The following DCDC1 variants were observed in gnomAD, a reference collection of about 807,000 sequenced individuals.
DCDC1 encodes the protein doublecortin domain-containing protein 1.
DCDC1 carries 200 observed loss-of-function variants against 178.3 expected under a neutral mutation model. That is an observed-to-expected ratio of 1.12 (90% CI 1.00 to 1.26). The LOEUF is 1.26. DCDC1 is among the 50% of genes most tolerant of loss of function. The pLI is 0.00. For synonymous variants in DCDC1, 690 were observed against 604.8 expected (o/e 1.14, Z -2.07); for missense variants, 1,983 against 1,749.2 (o/e 1.13, Z -2.38).
chr11:31,085,644 G>T (rs560806971), intron 17 of DCDC1, among the ~76,000 whole-genome samples: 3 of 152,116 alleles, frequency 2.0e-5, no homozygotes, highest in East Asian at 1.9e-4. Flanking sequence ...ATGGACATTT[G>T]AGTTATTTCT....
intron 9 of DCDC1, among the ~76,000 whole-genome samples, chr11:31,153,342 C>T (rs186965907): frequency 8.7e-4 from 132 of 152,316 alleles, no homozygotes; most frequent in Non-Finnish European, 1.7e-3. Context: ...AATGCCCCTA[C>T]ATCCTGAAAT....
rs191914926 is a variant in DCDC1, at chr11:31,271,745, C to T, written c.961-6145G>A. Among the ~76,000 whole-genome samples the T allele has an allele frequency of 5.5e-3, 835 of 152,308 alleles. 3 individuals carry two copies. Among genetic ancestry groups the T allele is most frequent in the Admixed American group, 8.8e-3 (134 of 15,302 alleles). ...AAAAGAAAGAGGTTTAGTGGACTTA[C>T]CATCCCACATGGCTGGAGAGGCCTC... On this transcript the variant is annotated intron_variant, in intron 7 of 38. Coordinates refer to ENST00000684477, the MANE Select transcript of DCDC1 (RefSeq NM_001387274.1).
At chr11:31,315,085 T>C (rs1227977386) in intron 3 of DCDC1, among the ~76,000 whole-genome samples, 1 of 152,114 alleles carries the variant, frequency 6.6e-6, no homozygotes, top group Non-Finnish European at 1.5e-5. Flanking sequence ...AGGAGATGAC[T>C]ACAGATTTGA....
intron 35 of DCDC1, among the ~76,000 whole-genome samples, chr11:30,893,540 C>T (rs1229136017): frequency 6.6e-6 from 1 of 152,122 alleles, no homozygotes; most frequent in Non-Finnish European, 1.5e-5. Context: ...GCATTCATTC[C>T]CTGGTCAGTG....
chr11:31,170,603 T>A (rs2136218447), intron 9 of DCDC1, among the ~76,000 whole-genome samples: 1 of 152,314 alleles, frequency 6.6e-6, no homozygotes, highest in Admixed American at 6.5e-5. Flanking sequence ...CACTTGGAGA[T>A]AAGAACAAAA....
At chr11:31,315,132 A>G (rs527573099) in intron 3 of DCDC1, among the ~76,000 whole-genome samples, 2 of 152,108 alleles carry the variant, frequency 1.3e-5, no homozygotes, top group African/African-American at 2.4e-5. Context: ...CCTTAATGGC[A>G]TTAGTAAACC....
intron 8 of DCDC1, among the ~76,000 whole-genome samples, chr11:31,264,269 A>C (rs1591580330): frequency 6.6e-6 from 1 of 152,206 alleles, no homozygotes; most frequent in African/African-American, 2.4e-5. Context: ...TCATTCAAAA[A>C]TCCAAGTACT....
rs778316009 is a variant in DCDC1, at chr11:31,290,685, C to T, written c.922G>A (p.Gly308Arg). Residue 308 changes from glycine (G) to arginine (R), a missense_variant, in exon 7 of 39, where the codon GGG (glycine) becomes AGG (arginine). Physicochemically the swap from Gly to Arg is moderately radical, Grantham distance 125 (BLOSUM62 -2). Coordinates refer to ENST00000684477, the MANE Select transcript of DCDC1 (RefSeq NM_001387274.1). ...TCTTTTCCCACTGTAATCTCATGCCCATCCTGCCCCATGCCATTCTTAAAG... is the reference window on the plus strand; with the variant it reads ...TCTTTTCCCACTGTAATCTCATGCCTATCCTGCCCCATGCCATTCTTAAAG... ...LFFKNGMGQD[G>R]HEITVGKETM... 2.5e-6 allele frequency: 4 copies of T among 1,613,126 alleles called. No individual in the cohort carries two copies. Among genetic ancestry groups the T allele is most frequent in the Non-Finnish European group, 3.4e-6 (4 of 1,179,438 alleles).
At chr11:31,018,870 G>C (rs901610582) in intron 20 of DCDC1, among the ~76,000 whole-genome samples, 1 of 152,154 alleles carries the variant, frequency 6.6e-6, no homozygotes, top group Non-Finnish European at 1.5e-5. Flanking sequence ...ATGAGCTTTG[G>C]TAATAAGGTG....
At chr11:31,304,757 T>A in intron 6 of DCDC1, among the ~76,000 whole-genome samples, 1 of 152,064 alleles carries the variant, frequency 6.6e-6, no homozygotes, top group East Asian at 1.9e-4. Context: ...CAGAAAAAAA[T>A]TACTTCTAAT....
intron 22 of DCDC1, among the ~76,000 whole-genome samples, chr11:30,929,290 A>G (rs1946781955): frequency 6.6e-6 from 1 of 152,042 alleles, no homozygotes; most frequent in Non-Finnish European, 1.5e-5. Context: ...CCTGTTCTCT[A>G]TCTCATGGAT....
intron 9 of DCDC1, among the ~76,000 whole-genome samples, chr11:31,216,726 A>C (rs917251343): frequency 6.6e-6 from 1 of 152,156 alleles, no homozygotes; most frequent in Non-Finnish European, 1.5e-5. Flanking sequence ...CTAGTTACTC[A>C]GGGTCTTAGC....
chr11:30,930,396 C>T (rs894698885), intron 22 of DCDC1, among the ~76,000 whole-genome samples: 1 of 152,080 alleles, frequency 6.6e-6, no homozygotes, highest in African/African-American at 2.4e-5. Flanking sequence ...AGAACACTTT[C>T]TGAATCAGCA....
chr11:31,003,305 G>A (rs904622208), intron 20 of DCDC1, among the ~76,000 whole-genome samples: 5 of 152,008 alleles, frequency 3.3e-5, no homozygotes, highest in Non-Finnish European at 7.4e-5. Flanking sequence ...TATTTCCACC[G>A]AGGGAGTGGG....
chr11:30,867,894 C>G (rs1374958209), intron 38 of DCDC1, among the ~76,000 whole-genome samples: 1 of 152,128 alleles, frequency 6.6e-6, no homozygotes, highest in African/African-American at 2.4e-5. Flanking sequence ...GGAATCTGCT[C>G]TTTTCATTTT....
chr11:31,218,134 A>G (rs991531149), intron 9 of DCDC1, among the ~76,000 whole-genome samples: 21 of 152,222 alleles, frequency 1.4e-4, no homozygotes, highest in African/African-American at 5.1e-4. Flanking sequence ...AAGTCGTAAT[A>G]TAAATATTTC....
chr11:31,365,587 C>T (rs1951917374), intron 1 of DCDC1, among the ~76,000 whole-genome samples: 1 of 152,074 alleles, frequency 6.6e-6, no homozygotes, highest in Non-Finnish European at 1.5e-5. Context: ...ACTAGTATGA[C>T]ATCAAATTAA....
chr11:31,367,842 T>C (rs1437915250), intron 1 of DCDC1, among the ~76,000 whole-genome samples: 1 of 152,240 alleles, frequency 6.6e-6, no homozygotes, highest in East Asian at 1.9e-4. Flanking sequence ...CAGAAATTTA[T>C]GTAAAAATTG....
intron 9 of DCDC1, among the ~76,000 whole-genome samples, chr11:31,185,568 C>G (rs2136313409): frequency 6.6e-6 from 1 of 152,268 alleles, no homozygotes; most frequent in South Asian, 2.1e-4. Context: ...CTCTGCTCAG[C>G]AACCTGCAAG....
Sources: allele counts gnomAD v4.1 joint callset (sites outside exome capture counted in the v4.1 genomes callset), GRCh38; gene constraint gnomAD v4.1.1; transcripts MANE v1.5; gene names NCBI Gene and HGNC (gene_info 2026-07-23, HGNC 2026-07-21).